BMP5: variants seen among roughly 807,000 people sequenced by gnomAD.
The protein encoded by BMP5 is bone morphogenetic protein 5.
BMP5 carries 23 observed loss-of-function variants against 46.6 expected under a neutral mutation model. The observed-to-expected ratio is 0.49, with a 90% CI of 0.35 to 0.70. The LOEUF is 0.70. Ranked by LOEUF, BMP5 falls within the 30% of genes least tolerant of loss-of-function variation. The pLI is 0.00. For missense variants in BMP5, 545 were observed against 565.6 expected (o/e 0.96, Z 0.37); for synonymous variants, 204 against 191.9 (o/e 1.06, Z -0.52).
At chr6:55,836,784 A>AT (rs760639850) in intron 1 of BMP5, among the ~76,000 whole-genome samples, 1 of 152,034 alleles carries the variant, frequency 6.6e-6, no homozygotes, top group African/African-American at 2.4e-5. Flanking sequence ...TACTTTCATG[A>AT]TTTTTTATTC....
chr6:55,841,058 A>G (rs569609808), intron 1 of BMP5, among the ~76,000 whole-genome samples: 2 of 152,242 alleles, frequency 1.3e-5, no homozygotes, highest in Admixed American at 6.5e-5. Flanking sequence ...TGCGAACCCT[A>G]TTTTTAACTG....
chr6:55,770,370 C>T (rs908860346), intron 4 of BMP5, among the ~76,000 whole-genome samples: 1 of 151,894 alleles, frequency 6.6e-6, no homozygotes, highest in Non-Finnish European at 1.5e-5. Context: ...ATATCTGCTA[C>T]TTTCAGACTT....
intron 1 of BMP5, among the ~76,000 whole-genome samples, chr6:55,872,720 T>A (rs1777814403): frequency 6.6e-6 from 1 of 151,820 alleles, no homozygotes; most frequent in South Asian, 2.1e-4. Context: ...ATATGTAACA[T>A]ACATATGCTT....
chr6:55,768,048 G>C (rs1774957964), intron 4 of BMP5, among the ~76,000 whole-genome samples: 1 of 151,954 alleles, frequency 6.6e-6, no homozygotes, highest in South Asian at 2.1e-4. Context: ...GTAAACAAGG[G>C]AGAACTTTAG....
intron 4 of BMP5, among the ~76,000 whole-genome samples, chr6:55,765,459 A>C (rs528005427): frequency 6.6e-6 from 1 of 152,208 alleles, no homozygotes; most frequent in Non-Finnish European, 1.5e-5. Context: ...TGATACCTAA[A>C]GCATCAGAAG....
At chr6:55,854,311 A>G (rs1777332699) in intron 1 of BMP5, among the ~76,000 whole-genome samples, 1 of 152,122 alleles carries the variant, frequency 6.6e-6, no homozygotes, top group Non-Finnish European at 1.5e-5. Flanking sequence ...AGTCATTGAC[A>G]AATTTGCAGA....
At chr6:55,772,284 T>G (rs1775064881) in intron 4 of BMP5, among the ~76,000 whole-genome samples, 1 of 151,884 alleles carries the variant, frequency 6.6e-6, no homozygotes, top group Non-Finnish European at 1.5e-5. Context: ...TTTCTTGTGG[T>G]TAGGAAGAGA....
At chr6:55,784,166 C>A (rs879336359) in intron 3 of BMP5, among the ~76,000 whole-genome samples, 1 of 151,736 alleles carries the variant, frequency 6.6e-6, no homozygotes, top group Non-Finnish European at 1.5e-5. Flanking sequence ...TATGATCAAA[C>A]CTGCAATTCT....
chr6:55,813,768 A>C (rs1438501223), intron 2 of BMP5, among the ~76,000 whole-genome samples: 6 of 147,664 alleles, frequency 4.1e-5, no homozygotes, highest in African/African-American at 1.6e-4. Context: ...GCCTGGATGA[A>C]AGAGCGAGAC....
At chr6:55,810,681 A>G (rs1163530777) in intron 2 of BMP5, among the ~76,000 whole-genome samples, 1 of 152,242 alleles carries the variant, frequency 6.6e-6, no homozygotes, top group African/African-American at 2.4e-5. Context: ...ATTCACTGAC[A>G]TATTAGCTTA....
intron 1 of BMP5, among the ~76,000 whole-genome samples, chr6:55,848,392 T>G (rs1777148050): frequency 2.0e-5 from 3 of 151,968 alleles, no homozygotes; most frequent in African/African-American, 4.8e-5. Flanking sequence ...CACACAAAAT[T>G]TAGATGAGTG....
At chr6:55,761,541 T>C (rs533951837) in intron 4 of BMP5, among the ~76,000 whole-genome samples, 2 of 152,186 alleles carry the variant, frequency 1.3e-5, no homozygotes, top group Admixed American at 6.6e-5. Flanking sequence ...CCATACCTCC[T>C]TGCTGTTTCA....
chr6:55,833,911 T>A (rs992989056), intron 1 of BMP5, among the ~76,000 whole-genome samples: 8 of 152,126 alleles, frequency 5.3e-5, no homozygotes, highest in Non-Finnish European at 8.8e-5. Flanking sequence ...ATGATGACTA[T>A]AAAAATTTTA....
intron 1 of BMP5, among the ~76,000 whole-genome samples, chr6:55,841,050 C>T (rs1009251353): frequency 3.3e-5 from 5 of 152,212 alleles, no homozygotes; most frequent in South Asian, 2.1e-4. Flanking sequence ...CATAGGAGTG[C>T]GAACCCTATT....
At chr6:55,792,216 A>G (rs142932192) in intron 3 of BMP5, among the ~76,000 whole-genome samples, 1 of 152,318 alleles carries the variant, frequency 6.6e-6, no homozygotes, top group African/African-American at 2.4e-5. Flanking sequence ...TACTTTCAGT[A>G]AGAACTTTCT....
intron 1 of BMP5, chr6:55,865,448 A>G: frequency 2.0e-6 from 1 of 499,968 alleles, no homozygotes; most frequent in Non-Finnish European, 4.0e-6. Flanking sequence ...TAATCACAGA[A>G]AATGTTGCTT....
chr6:55,851,528 G>T (rs1245005090), intron 1 of BMP5, among the ~76,000 whole-genome samples: 1 of 152,138 alleles, frequency 6.6e-6, no homozygotes, highest in Non-Finnish European at 1.5e-5. Flanking sequence ...CCACCCCAGG[G>T]AATATTACTA....
intron 3 of BMP5, among the ~76,000 whole-genome samples, chr6:55,776,338 C>T (rs1207754084): frequency 1.3e-5 from 2 of 151,870 alleles, no homozygotes; most frequent in African/African-American, 2.4e-5. Flanking sequence ...CAGCCAAATA[C>T]CATACCTTGA....
At chr6:55,804,601 T>C (rs1775942136) in intron 2 of BMP5, among the ~76,000 whole-genome samples, 1 of 151,972 alleles carries the variant, frequency 6.6e-6, no homozygotes, top group South Asian at 2.1e-4. Flanking sequence ...TATCAAATAC[T>C]GAGGAGAATA....
Sources: gnomAD v4.1 joint callset for allele counts (sites outside exome capture counted in the v4.1 genomes callset) on GRCh38, gnomAD v4.1.1 for gene constraint, MANE v1.5 for transcripts, NCBI Gene and HGNC (gene_info 2026-07-23, HGNC 2026-07-21) for gene names.